ADGRB3: variants seen among roughly 807,000 people sequenced by gnomAD.
ADGRB3 encodes adhesion G protein-coupled receptor B3.
In ADGRB3, 37 loss-of-function variants were observed where a neutral mutation model predicts 193.4. That is an observed-to-expected ratio of 0.19 (90% CI 0.15 to 0.25). The LOEUF (loss-of-function observed/expected upper bound fraction) is 0.25, where lower values mean the gene tolerates loss of function less well. Among genes scored for constraint, ADGRB3 ranks in the 10% least tolerant of loss-of-function variants. The probability of loss-of-function intolerance (pLI) is 1.00; values close to 1 mark genes in which losing one functional copy is unlikely to be tolerated. For synonymous variants in ADGRB3, 690 were observed against 644.2 expected (o/e 1.07, Z -1.08); for missense variants, 1,637 against 1,852.9 (o/e 0.88, Z 2.14).
intron 8 of ADGRB3, among the ~76,000 whole-genome samples, chr6:68,961,318 C>G (rs1768226150): frequency 6.6e-6 from 1 of 152,132 alleles, no homozygotes; most frequent in Non-Finnish European, 1.5e-5. Context: ...TGATGTAAAA[C>G]CAGGCACTGC....
intron 17 of ADGRB3, among the ~76,000 whole-genome samples, chr6:69,095,013 T>C (rs889239619): frequency 2.0e-5 from 3 of 152,246 alleles, no homozygotes; most frequent in South Asian, 2.1e-4. Flanking sequence ...GTGTGACCTT[T>C]GTGCTTTAGG....
chr6:68,751,984 T>C (rs1212842585), intron 3 of ADGRB3, among the ~76,000 whole-genome samples: 3 of 152,194 alleles, frequency 2.0e-5, no homozygotes, highest in Non-Finnish European at 2.9e-5. Flanking sequence ...ATTTCAGTTA[T>C]CATTAGCTTA....
chr6:68,955,222 T>G (rs1768038788), intron 6 of ADGRB3, among the ~76,000 whole-genome samples: 1 of 152,208 alleles, frequency 6.6e-6, no homozygotes, highest in Non-Finnish European at 1.5e-5. Flanking sequence ...AAGGCTTGCC[T>G]GAAGCCTCGG....
intron 13 of ADGRB3, among the ~76,000 whole-genome samples, chr6:69,027,967 C>CT (rs1366540390): frequency 1.3e-5 from 2 of 152,130 alleles, no homozygotes; most frequent in African/African-American, 4.8e-5. Flanking sequence ...CTTATTTTGG[C>CT]TTTTTAAAAA....
rs1554248525 is a variant in ADGRB3 at position 69,031,116 on chromosome 6, C to CTCCGCTTCTCT, written c.2107+12619_2107+12620insCGCTTCTCTTC. 1.6e-3 allele frequency among the ~76,000 whole-genome samples: 78 copies of CTCCGCTTCTCT among 49,410 alleles called. 5 individuals carry two copies. The highest frequency in any genetic ancestry group is 6.5e-3 in the African/African-American group (74 of 11,374). 32.4% of individuals were successfully genotyped at this position (49,410 alleles called of 152,430 possible). ...CTTCTCTTCTCTTCTCTTCTCTTCT[C>CTCCGCTTCTCT]TCTCTTCTCTCTGTCTCTCTCTCTC... On this transcript the variant is annotated intron_variant, in intron 13 of 31. Transcript: ENST00000370598.
intron 17 of ADGRB3, among the ~76,000 whole-genome samples, chr6:69,232,050 A>G (rs1766151574): frequency 6.6e-6 from 1 of 152,222 alleles, no homozygotes; most frequent in South Asian, 2.1e-4. Context: ...CAAAATCAAA[A>G]GCACCATATC....
chr6:69,317,953 G>T (rs550482592), intron 20 of ADGRB3, among the ~76,000 whole-genome samples: 1 of 151,478 alleles, frequency 6.6e-6, no homozygotes, highest in South Asian at 2.1e-4. Flanking sequence ...TGTTGATCTT[G>T]CATCCAACTA....
chr6:69,225,790 T>A (rs1019488781), intron 17 of ADGRB3, among the ~76,000 whole-genome samples: 1 of 152,184 alleles, frequency 6.6e-6, no homozygotes, highest in Non-Finnish European at 1.5e-5. Context: ...TGGTATTTAG[T>A]GTAAGAAATT....
At chr6:68,655,473 G>A (rs182448109) in intron 3 of ADGRB3, among the ~76,000 whole-genome samples, 30 of 151,716 alleles carry the variant, frequency 2.0e-4, no homozygotes, top group Non-Finnish European at 3.7e-4. Flanking sequence ...ACTCTTCACT[G>A]CAATTAGAAT....
intron 3 of ADGRB3, among the ~76,000 whole-genome samples, chr6:68,821,662 A>C (rs1210011207): frequency 6.6e-6 from 1 of 151,554 alleles, no homozygotes; most frequent in African/African-American, 2.4e-5. Flanking sequence ...TCTTTCTTGC[A>C]TAGTGTCATA....
At chr6:69,129,744 G>T (rs1213737803) in intron 17 of ADGRB3, among the ~76,000 whole-genome samples, 2 of 152,152 alleles carry the variant, frequency 1.3e-5, no homozygotes, top group Non-Finnish European at 2.9e-5. Flanking sequence ...AGGTGTAAAT[G>T]ATGTAATTTC....
At chr6:69,011,213 C>A (rs1769926915) in intron 11 of ADGRB3, among the ~76,000 whole-genome samples, 1 of 150,662 alleles carries the variant, frequency 6.6e-6, no homozygotes, top group Admixed American at 6.7e-5. Context: ...GCAAGGCCAG[C>A]TGAAAGAAAT....
At chr6:69,019,349 T>C (rs916566464) in intron 13 of ADGRB3, among the ~76,000 whole-genome samples, 2 of 152,048 alleles carry the variant, frequency 1.3e-5, no homozygotes, top group Non-Finnish European at 1.5e-5. Context: ...TATATTCGTA[T>C]TCACAGATAT....
At chr6:68,828,834 C>T (rs990184660) in intron 3 of ADGRB3, among the ~76,000 whole-genome samples, 1 of 152,166 alleles carries the variant, frequency 6.6e-6, no homozygotes, top group Admixed American at 6.5e-5. Context: ...ACCTTAATTC[C>T]ATAACCACGG....
At chr6:69,130,914 T>C (rs2150333994) in intron 17 of ADGRB3, among the ~76,000 whole-genome samples, 1 of 152,246 alleles carries the variant, frequency 6.6e-6, no homozygotes, top group East Asian at 1.9e-4. Flanking sequence ...TGAACATGTT[T>C]TTATTTGATG....
intron 5 of ADGRB3, among the ~76,000 whole-genome samples, chr6:68,940,369 TC>T (rs2150249829): frequency 6.6e-6 from 1 of 151,940 alleles, no homozygotes; most frequent in African/African-American, 2.4e-5. Flanking sequence ...TGGCCTTTAC[TC>T]ATTAGATGCC....
At chr6:69,002,160 G>T (rs1285681442) in intron 11 of ADGRB3, among the ~76,000 whole-genome samples, 1 of 151,548 alleles carries the variant, frequency 6.6e-6, no homozygotes, top group African/African-American at 2.4e-5. Flanking sequence ...TCAGAGGTAG[G>T]TGATCAAGGA....
intron 3 of ADGRB3, among the ~76,000 whole-genome samples, chr6:68,694,613 G>A (rs901938232): frequency 4.6e-5 from 7 of 151,924 alleles, no homozygotes; most frequent in African/African-American, 1.7e-4. Context: ...TTACCTCAGA[G>A]GCATGCTGTG....
At chr6:68,695,065 C>T (rs1765135223) in intron 3 of ADGRB3, among the ~76,000 whole-genome samples, 1 of 151,974 alleles carries the variant, frequency 6.6e-6, no homozygotes, top group Non-Finnish European at 1.5e-5. Flanking sequence ...AACTGAGCAC[C>T]TGAAGTGTGG....
Sources: allele counts gnomAD v4.1 joint callset (sites outside exome capture counted in the v4.1 genomes callset), GRCh38; gene constraint gnomAD v4.1.1; transcripts MANE v1.5; gene names NCBI Gene and HGNC (gene_info 2026-07-23, HGNC 2026-07-21).